The following SLC24A2 variants were observed in gnomAD, a reference collection of about 807,000 sequenced individuals.
SLC24A2 encodes sodium/potassium/calcium exchanger 2.
A neutral mutation model predicts 62.0 loss-of-function variants in SLC24A2; 36 were observed. The ratio of observed to expected loss-of-function variants is 0.58; its 90% CI spans 0.44 to 0.77. SLC24A2 has a LOEUF of 0.77. SLC24A2 is among the 30% of genes least tolerant of loss of function. The pLI, the probability that SLC24A2 is intolerant of heterozygous loss-of-function variation, is 0.00. For missense variants in SLC24A2, 846 were observed against 817.9 expected (o/e 1.03, Z -0.42); for synonymous variants, 358 against 294.0 (o/e 1.22, Z -2.23).
intron 2 of SLC24A2, among the ~76,000 whole-genome samples, chr9:19,763,195 A>G (rs1822398241): frequency 6.6e-6 from 1 of 152,180 alleles, no homozygotes; most frequent in Non-Finnish European, 1.5e-5. Context: ...GAAGTTGTTT[A>G]TCAGCTTAAG....
the SLC24A2 span, among the ~76,000 whole-genome samples, chr9:20,046,116 C>A: frequency 6.6e-6 from 1 of 152,322 alleles, no homozygotes; most frequent in South Asian, 2.1e-4. Context: ...CATCTTGTTT[C>A]ATCTGTAAGT....
the SLC24A2 span, among the ~76,000 whole-genome samples, chr9:20,060,043 G>A: frequency 6.6e-6 from 1 of 151,916 alleles, no homozygotes; most frequent in Non-Finnish European, 1.5e-5. Context: ...TGAACAAGTT[G>A]GATAACCTAG....
chr9:19,685,476 A>G (rs1819853321), intron 2 of SLC24A2, among the ~76,000 whole-genome samples: 1 of 152,172 alleles, frequency 6.6e-6, no homozygotes, highest in African/African-American at 2.4e-5. Context: ...AAAAAGAACA[A>G]AGCTGGAGGC....
chr9:20,284,631 A>C, the SLC24A2 span, among the ~76,000 whole-genome samples: 468 of 152,266 alleles, frequency 3.1e-3, 1 homozygote, highest in Non-Finnish European at 4.8e-3. Flanking sequence ...TTTTAAAGAG[A>C]ATAAAATTTT....
chr9:19,740,631 GA>G (rs1268231945), intron 2 of SLC24A2, among the ~76,000 whole-genome samples: 1 of 152,142 alleles, frequency 6.6e-6, no homozygotes, highest in East Asian at 1.9e-4. Flanking sequence ...GGGTTTACAT[GA>G]ACATGTTACT....
intron 2 of SLC24A2, among the ~76,000 whole-genome samples, chr9:19,669,086 C>T (rs972480436): frequency 3.2e-4 from 49 of 152,066 alleles, no homozygotes; most frequent in Non-Finnish European, 1.5e-4. Flanking sequence ...ATATCTTATA[C>T]GGTATAGTTA....
the SLC24A2 span, among the ~76,000 whole-genome samples, chr9:19,919,292 T>A: frequency 1.3e-5 from 2 of 152,128 alleles, no homozygotes; most frequent in African/African-American, 4.8e-5. Flanking sequence ...ATGCCTTCTT[T>A]CACACACAGT....
At chr9:19,843,106 A>G in the SLC24A2 span, among the ~76,000 whole-genome samples, 11 of 152,264 alleles carry the variant, frequency 7.2e-5, no homozygotes, top group African/African-American at 2.6e-4. Flanking sequence ...GGCAAAAGGG[A>G]AAAAATAAAG....
At chr9:19,860,777 C>A in the SLC24A2 span, among the ~76,000 whole-genome samples, 36 of 152,222 alleles carry the variant, frequency 2.4e-4, no homozygotes, top group African/African-American at 8.7e-4. Context: ...GCCCTTGGGC[C>A]TTAAGAGAAC....
the SLC24A2 span, among the ~76,000 whole-genome samples, chr9:20,258,912 G>C: frequency 4.7e-5 from 7 of 149,146 alleles, no homozygotes; most frequent in Admixed American, 4.0e-4. Context: ...TACAGATTGT[G>C]TCTCTCTGGA....
At chr9:19,622,407 T>C in intron 2 of SLC24A2, 108 bp from the exon 3 acceptor site, 1 of 1,143,836 alleles carries the variant, frequency 8.7e-7, no homozygotes. Context: ...GAAGATTTCA[T>C]TCTTTCTGCT....
chr9:19,933,486 T>TCATTCATC, the SLC24A2 span, among the ~76,000 whole-genome samples: 9 of 152,348 alleles, frequency 5.9e-5, no homozygotes, highest in East Asian at 1.7e-3. Context: ...ATTCATTCAT[T>TCATTCATC]CATTCATCCA....
chr9:20,018,373 G>T, the SLC24A2 span, among the ~76,000 whole-genome samples: 1 of 152,088 alleles, frequency 6.6e-6, no homozygotes, highest in Non-Finnish European at 1.5e-5. Flanking sequence ...GAGTGTATGT[G>T]TCTGTTTTTG....
the SLC24A2 span, among the ~76,000 whole-genome samples, chr9:19,924,678 A>G: frequency 6.6e-6 from 1 of 152,196 alleles, no homozygotes; most frequent in African/African-American, 2.4e-5. Flanking sequence ...TTGCCTGCAG[A>G]TGTTAATTTC....
chr9:20,240,878 T>C, the SLC24A2 span, among the ~76,000 whole-genome samples: 1 of 152,176 alleles, frequency 6.6e-6, no homozygotes, highest in Non-Finnish European at 1.5e-5. Flanking sequence ...AGGTCTCTCA[T>C]AACCAGTTAC....
chr9:19,680,849 A>T (rs1445854711), intron 2 of SLC24A2, among the ~76,000 whole-genome samples: 80 of 115,468 alleles, frequency 6.9e-4, no homozygotes, highest in African/African-American at 2.3e-3. Flanking sequence ...TATATACCAG[A>T]GTTGTGTGTG....
At chr9:20,142,719 C>A in the SLC24A2 span, among the ~76,000 whole-genome samples, 2 of 152,140 alleles carry the variant, frequency 1.3e-5, no homozygotes, top group Non-Finnish European at 2.9e-5. Context: ...CCTCAGCCTC[C>A]CAAGGAGCTG....
intron 8 of SLC24A2, among the ~76,000 whole-genome samples, chr9:19,532,368 C>CT (rs1477041964): frequency 1.3e-5 from 2 of 152,148 alleles, no homozygotes; most frequent in Non-Finnish European, 2.9e-5. Flanking sequence ...AGTGCTGGGA[C>CT]TACAGGTGTG....
At chr9:19,934,549 G>A in the SLC24A2 span, among the ~76,000 whole-genome samples, 1 of 152,174 alleles carries the variant, frequency 6.6e-6, no homozygotes, top group Non-Finnish European at 1.5e-5. This position sits in a 1 kb window ranked among gnomAD's most constrained non-coding sequence, Gnocchi z 4.1. Context: ...GCCCATGGCG[G>A]GGCTCCGGAG....
Sources: gnomAD v4.1 joint callset for allele counts (sites outside exome capture counted in the v4.1 genomes callset) on GRCh38, gnomAD v4.1.1 for gene constraint, Gnocchi (gnomAD v3.1) non-coding constraint, MANE v1.5 for transcripts, NCBI Gene and HGNC (gene_info 2026-07-23, HGNC 2026-07-21) for gene names.